Variants in MGAT5 observed in about 807,000 individuals in gnomAD.
The protein encoded by MGAT5 is alpha-1,6-mannosylglycoprotein 6-beta-N-acetylglucosaminyltransferase A.
In MGAT5, 30 loss-of-function variants were observed where a neutral mutation model predicts 94.3. The ratio of observed to expected loss-of-function variants is 0.32; its 90% CI spans 0.24 to 0.43. The LOEUF (loss-of-function observed/expected upper bound fraction) is 0.43, where lower values mean the gene tolerates loss of function less well. MGAT5 is among the 20% of genes least tolerant of loss of function. The pLI is 1.00. For missense variants in MGAT5, 691 were observed against 905.5 expected, an observed-to-expected ratio of 0.76 and a Z score of 3.04; for synonymous variants, 310 against 322.9, an observed-to-expected ratio of 0.96 and a Z score of 0.43.
intron 10 of MGAT5, among the ~76,000 whole-genome samples, chr2:134,368,539 G>T (rs1680578288): frequency 6.6e-6 from 1 of 152,318 alleles, no homozygotes; most frequent in Admixed American, 6.5e-5. Context: ...CTATATGCCT[G>T]AGAAATCAGG....
chr2:134,445,104 T>A (rs1574117461), intron 15 of MGAT5, among the ~76,000 whole-genome samples: 1 of 152,220 alleles, frequency 6.6e-6, no homozygotes. Flanking sequence ...GCAACTGGGG[T>A]TGCTCTGTGC....
rs570688415 is a variant in MGAT5 at position 134,350,930 on chromosome 2, T to C, written c.1246+992T>C. Among the ~76,000 whole-genome samples, 3 of 152,226 alleles carry C rather than the reference T, an allele frequency of 2.0e-5. No homozygotes were observed. The East Asian group carries it at 5.8e-4, about 29-fold the overall frequency. The stretch of plus-strand genomic sequence containing the variant: ...TGGAAACAAGACCCAAAAGACCCCT[T>C]CCTGATCTTCTTCCCATGTGGTTGC... On this transcript the variant is annotated intron_variant, in intron 9 of 15. Coordinates refer to ENST00000281923, the MANE Select transcript of MGAT5 (RefSeq NM_002410.5).
At chr2:134,421,055 G>C (rs1021546035) in intron 12 of MGAT5, among the ~76,000 whole-genome samples, 2 of 152,134 alleles carry the variant, frequency 1.3e-5, no homozygotes, top group Admixed American at 6.5e-5. Context: ...GTGTGTTTAC[G>C]TATGCCCACA....
intron 1 of MGAT5, among the ~76,000 whole-genome samples, chr2:134,215,161 C>T (rs11679218): frequency 0.16 from 23,750 of 152,180 alleles, 2,685 homozygotes; most frequent in Non-Finnish European, 0.24. Flanking sequence ...TTGATCCACC[C>T]ATTCTACCGT....
chr2:134,144,499 C>T (rs116445290), intron 1 of MGAT5, among the ~76,000 whole-genome samples: 12,518 of 152,226 alleles, frequency 0.082, 702 homozygotes, highest in African/African-American at 0.15. Flanking sequence ...CCAGGCCCCA[C>T]CTCCAACACT....
intron 10 of MGAT5, among the ~76,000 whole-genome samples, chr2:134,400,023 G>C (rs939969604): frequency 6.6e-6 from 1 of 152,194 alleles, no homozygotes; most frequent in Non-Finnish European, 1.5e-5. Context: ...TGAGCCCCTT[G>C]ATGGCAAGAA....
chr2:134,325,982 C>A (rs1484313779), intron 4 of MGAT5, among the ~76,000 whole-genome samples: 1 of 150,820 alleles, frequency 6.6e-6, no homozygotes, highest in Non-Finnish European at 1.5e-5. Context: ...CAAGTTATTT[C>A]ATGGATAATG....
At chr2:134,409,475 G>A (rs139688587) in intron 11 of MGAT5, among the ~76,000 whole-genome samples, 11 of 152,296 alleles carry the variant, frequency 7.2e-5, no homozygotes, top group Non-Finnish European at 1.2e-4. Flanking sequence ...CAGAACCTGC[G>A]CTGTTAATTA....
At position 134,181,559 on chromosome 2, in the gene MGAT5, CT is replaced by C. The variant is rs892703434; in HGVS notation, c.-143+61277del. On this transcript the variant is annotated intron_variant, in intron 1 of 16. Transcript: ENST00000409645. ...CTCAGCCAGTCTGTTTTTTTCTTTTCTTTTTTTTTATTACAATGCATGTGCA... is the reference window on the plus strand; with the variant it reads ...CTCAGCCAGTCTGTTTTTTTCTTTTCTTTTTTTTATTACAATGCATGTGCA... Among the ~76,000 whole-genome samples the C allele has an allele frequency of 2.6e-5, 4 of 151,528 alleles. No homozygotes were observed. In the East Asian group the frequency reaches 5.8e-4, roughly 22 times the overall value.
chr2:134,449,395 G>A lies in MGAT5; in HGVS notation c.*548G>A, dbSNP rs75506899. The A allele has an allele frequency of 0.016, 2,545 of 157,106 alleles. 69 individuals are homozygous for A. Among genetic ancestry groups the A allele is most frequent in the African/African-American group, 0.059 (2,436 of 41,550 alleles). 9.7% of individuals were successfully genotyped at this position (157,106 alleles called of 1,614,324 possible). A position where few individuals can be genotyped will look rare whatever the true frequency, so the allele number is the denominator to read the frequency against. On this transcript the variant is annotated 3_prime_UTR_variant, in exon 16 of 16. Transcript: ENST00000281923. ...GAGACCGTGTGCCGTGGGGCTGGTG[G>A]CCTGCTCAGGGACAGCCATGGGGAC...
At chr2:134,439,981 C>T (rs372236394) in intron 14 of MGAT5, among the ~76,000 whole-genome samples, 2 of 152,170 alleles carry the variant, frequency 1.3e-5, no homozygotes, top group Admixed American at 6.5e-5. Flanking sequence ...GGAAAGGAAA[C>T]GTGAGGAAAA....
chr2:134,421,775 C>T (rs1307722579), intron 12 of MGAT5, among the ~76,000 whole-genome samples: 1 of 152,122 alleles, frequency 6.6e-6, no homozygotes, highest in Non-Finnish European at 1.5e-5. Context: ...GCTGAAAATG[C>T]TCTCACACGT....
At chr2:134,337,361 G>C (rs1334418829) in intron 5 of MGAT5, among the ~76,000 whole-genome samples, 2 of 152,134 alleles carry the variant, frequency 1.3e-5, no homozygotes, top group African/African-American at 2.4e-5. Context: ...TATAGTTTCA[G>C]CTACTTGGAA....
At chr2:134,149,420 TA>T (rs74513169) in intron 1 of MGAT5, among the ~76,000 whole-genome samples, 31,562 of 146,834 alleles carry the variant, frequency 0.21, 3,600 homozygotes, top group Non-Finnish European at 0.27. Context: ...CAAGGGTGAG[TA>T]AAAAAAAAAA....
At chr2:134,213,732 A>G (rs1182368408) in intron 1 of MGAT5, among the ~76,000 whole-genome samples, 1 of 152,240 alleles carries the variant, frequency 6.6e-6, no homozygotes, top group Non-Finnish European at 1.5e-5. Context: ...GGATATTACC[A>G]AGGATACAAA....
Position 134,254,137 on chromosome 2 carries a change from A to T in MGAT5, c.-267A>T, listed in dbSNP as rs1682786181. On this transcript the variant is annotated 5_prime_UTR_variant, in exon 1 of 16. Coordinates refer to ENST00000281923, the MANE Select transcript of MGAT5 (RefSeq NM_002410.5). ...CAGCTTACAGTTCCTGAATCATAAG[A>T]TATTGAACCAGCAAATTTAAGAGTT... 3.4e-6 allele frequency: 2 copies of T among 580,384 alleles called. No individual in the cohort carries two copies. Among genetic ancestry groups the T allele is most frequent in the Non-Finnish European group, 6.1e-6 (2 of 328,334 alleles). 36.0% of individuals were successfully genotyped at this position (580,384 alleles called of 1,614,324 possible). A position where few individuals can be genotyped will look rare whatever the true frequency, so the allele number is the denominator to read the frequency against.
intron 1 of MGAT5, among the ~76,000 whole-genome samples, chr2:134,128,724 A>G (rs928073040): frequency 6.6e-6 from 1 of 152,078 alleles, no homozygotes; most frequent in Non-Finnish European, 1.5e-5. Context: ...ACGCCTGGCT[A>G]AATTTTTAAA....
chr2:134,192,802 T>C (rs906052209), intron 1 of MGAT5, among the ~76,000 whole-genome samples: 2 of 152,130 alleles, frequency 1.3e-5, no homozygotes, highest in African/African-American at 4.8e-5. Context: ...ATATTTATCA[T>C]GGGAAAATGT....
intron 1 of MGAT5, among the ~76,000 whole-genome samples, chr2:134,179,192 A>G (rs990426317): frequency 1.3e-5 from 2 of 152,186 alleles, no homozygotes; most frequent in African/African-American, 4.8e-5. Flanking sequence ...TTTTTAAAAA[A>G]GTGATTTTAC....
Sources: allele counts gnomAD v4.1 joint callset (sites outside exome capture counted in the v4.1 genomes callset), GRCh38; gene constraint gnomAD v4.1.1; transcripts MANE v1.5; gene names NCBI Gene and HGNC (gene_info 2026-07-23, HGNC 2026-07-21).